MRPL33: variants seen among roughly 807,000 people sequenced by gnomAD.
MRPL33 encodes large ribosomal subunit protein bL33m.
Under a neutral mutation model 10.1 loss-of-function variants are expected in MRPL33, and 5 were observed. That is an observed-to-expected ratio of 0.49 (90% CI 0.26 to 1.04). The LOEUF is 1.04. MRPL33 is among the 50% of genes least tolerant of loss of function. The probability of loss-of-function intolerance (pLI) is 0.14; values close to 1 mark genes in which losing one functional copy is unlikely to be tolerated. For missense variants in MRPL33, 79 were observed against 78.1 expected (o/e 1.01, Z -0.04); for synonymous variants, 24 against 27.7 (o/e 0.87, Z 0.42).
intron 3 of MRPL33, among the ~76,000 whole-genome samples, chr2:27,776,314 C>T (rs1344132250): frequency 1.3e-5 from 2 of 152,260 alleles, no homozygotes; most frequent in African/African-American, 4.8e-5. Context: ...ATGCCCTGCA[C>T]GTGTTCGTGA....
chr2:27,772,551 C>A, intron 1 of MRPL33, 123 bp from the exon 2 acceptor site: 1 of 727,662 alleles, frequency 1.4e-6, no homozygotes, highest in Non-Finnish European at 2.3e-6. Flanking sequence ...AGTGACACCT[C>A]ATGGCATATT....
At chr2:27,777,402 C>G (rs1677198068) in intron 3 of MRPL33, among the ~76,000 whole-genome samples, 1 of 149,928 alleles carries the variant, frequency 6.7e-6, no homozygotes, top group Admixed American at 6.7e-5. Flanking sequence ...TAATCAAGAC[C>G]CATCCCTGTG....
chr2:27,779,157 TTTTC>T (rs1427529991), intron 3 of MRPL33, among the ~76,000 whole-genome samples: 1 of 152,170 alleles, frequency 6.6e-6, no homozygotes, highest in Non-Finnish European at 1.5e-5. Context: ...TTGTCCCTAG[TTTTC>T]TTTCTTAATG....
intron 2 of MRPL33, among the ~76,000 whole-genome samples, chr2:27,773,144 A>C (rs1312532399): frequency 6.6e-6 from 1 of 152,238 alleles, no homozygotes; most frequent in African/African-American, 2.4e-5. Context: ...CATTCATGGT[A>C]TAAGCATTTC....
At position 27,774,448 on chromosome 2, in the gene MRPL33, C is replaced by T. The variant is rs765268333; in HGVS notation, c.66C>T (p.Ser22=). 43 of 1,613,932 alleles carry T rather than the reference C, an allele frequency of 2.7e-5. No individual in the cohort carries two copies. In the East Asian group the frequency reaches 7.4e-4, roughly 28 times the overall value. Reference sequence around the variant, plus strand: ...GAAACATTCTGGTGAGAATGGTGAGCGAAGCTGGGACAGGTTTCTGCTTCA... The same window carrying T: ...GAAACATTCTGGTGAGAATGGTGAGTGAAGCTGGGACAGGTTTCTGCTTCA... ...KSKNILVRMV[S]EAGTGFCFNT... The change falls in exon 3 of 4, where the codon AGC becomes AGT. Residue 22 remains serine, a synonymous_variant. Coordinates refer to ENST00000296102, the MANE Select transcript of MRPL33 (RefSeq NM_004891.4).
In MRPL33 at chr2:27,771,747, C is replaced by A; in HGVS notation, c.-31C>A. On this transcript the variant is annotated 5_prime_UTR_variant, in exon 1 of 4. Coordinates refer to ENST00000296102, the MANE Select transcript of MRPL33 (RefSeq NM_004891.4). ...TGTTGTTGGTTGGGGGCCTTTTGGC[C>A]GGTGACGGAGACTGCCCAGGTGTGG... The A allele has an allele frequency of 6.2e-7, 1 of 1,613,926 alleles. No homozygotes were observed. Among genetic ancestry groups the A allele is most frequent in the Non-Finnish European group, 8.5e-7 (1 of 1,179,910 alleles).
chr2:27,772,780 T>G, intron 2 of MRPL33, 88 bp downstream of exon 2: 1 of 1,051,734 alleles, frequency 9.5e-7, no homozygotes, highest in East Asian at 2.6e-5. Context: ...TTATATGAAA[T>G]TAAGCATTGG....
chr2:27,774,596 T>G (rs1041508972), intron 3 of MRPL33, 66 bp downstream of exon 3: 28 of 1,272,636 alleles, frequency 2.2e-5, no homozygotes, highest in Non-Finnish European at 3.2e-5. Context: ...ACATCTGAAC[T>G]CTCTGGAGGT....
At position 27,779,580 on chromosome 2, in the gene MRPL33, G is replaced by T; in HGVS notation, c.*98G>T. 6.3e-7 allele frequency: 1 copy of T among 1,585,438 alleles called. No homozygotes were observed. Among genetic ancestry groups the T allele is most frequent in the South Asian group, 1.2e-5 (1 of 85,154 alleles). ...AGCGTGTAATAAAAGAAGAGGAAATGGCATGGAATCACTGCCTCCTGTGAT... is the reference window on the plus strand; with the variant it reads ...AGCGTGTAATAAAAGAAGAGGAAATTGCATGGAATCACTGCCTCCTGTGAT... On this transcript the variant is annotated 3_prime_UTR_variant, in exon 4 of 4. Transcript: ENST00000296102.
chr2:27,773,428 C>T (rs1050702568), intron 2 of MRPL33, among the ~76,000 whole-genome samples: 13 of 152,182 alleles, frequency 8.5e-5, no homozygotes, highest in African/African-American at 3.1e-4. Flanking sequence ...TTATTTATGT[C>T]AAAATTCCCT....
rs1321383753 is a variant in MRPL33 at position 27,771,732 on chromosome 2, T to A, written c.-46T>A. On this transcript the variant is annotated 5_prime_UTR_variant, in exon 1 of 4. Coordinates refer to ENST00000296102, the MANE Select transcript of MRPL33 (RefSeq NM_004891.4). Reference sequence around the variant, plus strand: ...TGCCCCGGAAGCAGTTGTTGTTGGTTGGGGGCCTTTTGGCCGGTGACGGAG... The same window carrying A: ...TGCCCCGGAAGCAGTTGTTGTTGGTAGGGGGCCTTTTGGCCGGTGACGGAG... 1 of 1,613,230 alleles carries A rather than the reference T, an allele frequency of 6.2e-7. No homozygotes were observed.
chr2:27,777,371 C>CTT (rs11337446), intron 3 of MRPL33, among the ~76,000 whole-genome samples: 7 of 125,600 alleles, frequency 5.6e-5, no homozygotes, highest in African/African-American at 1.8e-4. Context: ...TAATCTAAAA[C>CTT]TTTTTTTTTT....
chr2:27,772,185 A>G (rs545710738), intron 1 of MRPL33: 18 of 279,660 alleles, frequency 6.4e-5, no homozygotes, highest in Non-Finnish European at 8.1e-5. Context: ...TGCCTGAGTA[A>G]TGCGGCAGGG....
intron 1 of MRPL33, 40 bp downstream of exon 1, chr2:27,771,839 G>A: frequency 2.5e-6 from 4 of 1,602,472 alleles, no homozygotes; most frequent in Non-Finnish European, 3.4e-6. Context: ...TTACGGCGAG[G>A]GTTAGGGGGC....
At chr2:27,772,941 C>A in intron 2 of MRPL33, 1 of 469,766 alleles carries the variant, frequency 2.1e-6, no homozygotes. Context: ...TTTCTAGTCC[C>A]AGGATTTGTG....
intron 3 of MRPL33, among the ~76,000 whole-genome samples, chr2:27,778,910 ATATT>A (rs1009149944): frequency 2.6e-5 from 4 of 152,186 alleles, no homozygotes; most frequent in African/African-American, 9.7e-5. Context: ...CTGTACTCTA[ATATT>A]TACAATAATG....
At chr2:27,779,395 A>G in intron 3 of MRPL33, 38 bp from the exon 4 acceptor site, 1 of 1,579,438 alleles carries the variant, frequency 6.3e-7, no homozygotes, top group Non-Finnish European at 8.6e-7. Flanking sequence ...ATGATACTTA[A>G]TAATTTTCTG....
At chr2:27,772,427 T>C (rs1300087049) in intron 1 of MRPL33, 18 of 435,210 alleles carry the variant, frequency 4.1e-5, no homozygotes, top group African/African-American at 4.1e-5. Flanking sequence ...AGTCCAACAG[T>C]CATGAAATTA....
intron 2 of MRPL33, 104 bp downstream of exon 2, chr2:27,772,796 G>T: frequency 1.1e-6 from 1 of 878,154 alleles, no homozygotes; most frequent in South Asian, 1.7e-5. Context: ...ATTGGGCCTT[G>T]ATTTCCTAAG....
Sources: gnomAD v4.1 joint callset for allele counts (sites outside exome capture counted in the v4.1 genomes callset) on GRCh38, gnomAD v4.1.1 for gene constraint, MANE v1.5 for transcripts, NCBI Gene and HGNC (gene_info 2026-07-23, HGNC 2026-07-21) for gene names.